DMD: variants seen among roughly 807,000 people sequenced by gnomAD.
The protein encoded by DMD is mutant dystrophin.
In DMD, 63 loss-of-function variants were observed where a neutral mutation model predicts 330.1. The ratio of observed to expected loss-of-function variants is 0.19; its 90% CI spans 0.16 to 0.24. DMD has a LOEUF of 0.24. Among genes scored for constraint, DMD ranks in the 10% least tolerant of loss-of-function variants. The pLI is 1.00. For synonymous variants in DMD, 1,223 were observed against 959.8 expected (o/e 1.27, Z -5.07); for missense variants, 3,344 against 2,684.1 (o/e 1.25, Z -5.43).
At chrX:32,215,515 C>T (rs2097109216) in intron 44 of DMD, among the ~76,000 whole-genome samples, 2 of 111,433 alleles carry the variant, frequency 1.8e-5, no homozygotes, top group Non-Finnish European at 3.8e-5. Flanking sequence ...TCATACTGAA[C>T]AACTATCCTC....
intron 47 of DMD, among the ~76,000 whole-genome samples, chrX:31,923,021 G>A (rs964776467): frequency 9.0e-6 from 1 of 111,364 alleles, no homozygotes; most frequent in Non-Finnish European, 1.9e-5. Context: ...AAAGCCTGAT[G>A]TTTGTTCTCA....
chrX:33,304,245 C>A (rs1470423362), intron 1 of DMD, among the ~76,000 whole-genome samples: 2 of 110,468 alleles, frequency 1.8e-5, no homozygotes, highest in African/African-American at 6.6e-5. Flanking sequence ...AGAACAGAGC[C>A]CTCAGAAATA....
chrX:32,388,147 G>C (rs1056206483), intron 32 of DMD, among the ~76,000 whole-genome samples: 7 of 111,089 alleles, frequency 6.3e-5, no homozygotes, highest in Non-Finnish European at 3.8e-5. Context: ...TTGAGCAAAT[G>C]CCTTGAGCAG....
intron 15 of DMD, among the ~76,000 whole-genome samples, chrX:32,572,691 G>A (rs1012768624): frequency 1.8e-5 from 2 of 110,224 alleles, no homozygotes; most frequent in Non-Finnish European, 3.8e-5. Context: ...CATTTGATAG[G>A]CTTTAATTTT....
At chrX:31,881,584 G>A (rs946332466) in intron 47 of DMD, among the ~76,000 whole-genome samples, 1 of 111,235 alleles carries the variant, frequency 9.0e-6, no homozygotes, top group Non-Finnish European at 1.9e-5. Flanking sequence ...GGTAAATACC[G>A]TATGCAGCTG....
At chrX:33,118,861 C>T (rs775547132) in intron 1 of DMD, among the ~76,000 whole-genome samples, 2 of 111,842 alleles carry the variant, frequency 1.8e-5, no homozygotes, top group African/African-American at 3.3e-5. Flanking sequence ...TCTCCTTATC[C>T]ACAGCAAGAT....
intron 59 of DMD, among the ~76,000 whole-genome samples, chrX:31,461,116 A>T (rs2066501906): frequency 1.8e-5 from 2 of 111,797 alleles, no homozygotes; most frequent in Non-Finnish European, 3.8e-5. Context: ...TAAACTATTA[A>T]TCAATCCAAC....
intron 44 of DMD, chrX:32,205,831 T>C (rs1387209111): frequency 1.6e-5 from 4 of 254,551 alleles, no homozygotes; most frequent in Non-Finnish European, 2.9e-5. Flanking sequence ...ACAGCTGTTC[T>C]CTTGAGCAGT....
chrX:32,386,235 A>G, intron 33 of DMD, 75 bp downstream of exon 33: 2 of 1,126,331 alleles, frequency 1.8e-6, no homozygotes, highest in South Asian at 3.6e-5. Flanking sequence ...CTAATCATAC[A>G]TAATTTATTG....
chrX:32,619,274 T>A (rs2057813335), intron 11 of DMD, among the ~76,000 whole-genome samples: 1 of 110,836 alleles, frequency 9.0e-6, no homozygotes, highest in African/African-American at 3.3e-5. Flanking sequence ...CCCACAGAAG[T>A]AGGGAATGAA....
At chrX:31,594,518 T>C (rs1473219527) in intron 55 of DMD, among the ~76,000 whole-genome samples, 1 of 111,563 alleles carries the variant, frequency 9.0e-6, no homozygotes, top group Non-Finnish European at 1.9e-5. Flanking sequence ...TGTTTTGTAA[T>C]ACAGTATACT....
chrX:31,721,716 C>CTATA (rs1411207828), intron 52 of DMD, among the ~76,000 whole-genome samples: 225 of 53,394 alleles, frequency 4.2e-3, no homozygotes, highest in Middle Eastern at 0.011. Context: ...CTCTCTCTCT[C>CTATA]TCTATATATA....
intron 13 of DMD, among the ~76,000 whole-genome samples, chrX:32,578,345 A>G (rs1320779503): frequency 7.1e-5 from 8 of 112,496 alleles, no homozygotes; most frequent in Non-Finnish European, 1.5e-4. Context: ...AAAGTCTCAC[A>G]AAATGGTAAA....
chrX:32,176,333 C>T (rs1056753297), intron 44 of DMD, among the ~76,000 whole-genome samples: 7 of 111,592 alleles, frequency 6.3e-5, no homozygotes, highest in Middle Eastern at 4.2e-3. Flanking sequence ...ACGTAGTGTG[C>T]AGGATATTAC....
intron 16 of DMD, among the ~76,000 whole-genome samples, chrX:32,564,805 G>A (rs1292075078): frequency 9.0e-6 from 1 of 111,334 alleles, no homozygotes; most frequent in Non-Finnish European, 1.9e-5. Flanking sequence ...CTTATCAGAT[G>A]TCAGGTCTCA....
At chrX:31,201,143 T>C (rs1220488668) in intron 67 of DMD, among the ~76,000 whole-genome samples, 4 of 97,711 alleles carry the variant, frequency 4.1e-5, no homozygotes, top group African/African-American at 1.5e-4. Context: ...CTAGGCAACA[T>C]GGCGAGAGAC....
chrX:33,314,471 A>G (rs908782410), intron 1 of DMD, among the ~76,000 whole-genome samples: 2 of 106,744 alleles, frequency 1.9e-5, no homozygotes, highest in African/African-American at 6.9e-5. Context: ...TTGGCCAGGC[A>G]GGTCTCAAAC....
At chrX:31,273,176 C>CA (rs2051799875) in intron 62 of DMD, among the ~76,000 whole-genome samples, 4 of 111,698 alleles carry the variant, frequency 3.6e-5, no homozygotes, top group Non-Finnish European at 7.5e-5. Context: ...AGCTTTAGTT[C>CA]TTAGAGTGAT....
In DMD at chrX:31,617,534, CAAAAAA is replaced by C. The variant is rs749572753; in HGVS notation, c.8217+10133_8217+10138del. On this transcript the variant is annotated intron_variant, in intron 55 of 78. Transcript: ENST00000357033. ...GGGGGACAAGAGCGAGACTTCGTCT[CAAAAAA>C]AAAAAAAAAAAAAAAAAAAAAGTCA... Among the ~76,000 whole-genome samples, 52 of 32,043 alleles carry C rather than the reference CAAAAAA, an allele frequency of 1.6e-3. 1 individual carries two copies. Among genetic ancestry groups the C allele is most frequent in the African/African-American group, 5.4e-3 (50 of 9,180 alleles). The allele number at this position is 32,043 out of a possible 115,157, so 27.8% of individuals were successfully genotyped here.
Sources: gnomAD v4.1 joint callset for allele counts (sites outside exome capture counted in the v4.1 genomes callset) on GRCh38, gnomAD v4.1.1 for gene constraint, MANE v1.5 for transcripts, NCBI Gene and HGNC (gene_info 2026-07-23, HGNC 2026-07-21) for gene names.